The following DUSP22 variants were observed in gnomAD, a reference collection of about 807,000 sequenced individuals.
The protein encoded by DUSP22 is dual specificity phosphatase 22.
A neutral mutation model predicts 24.5 loss-of-function variants in DUSP22; 24 were observed. That is an observed-to-expected ratio of 0.98 (90% CI 0.71 to 1.38). DUSP22 has a LOEUF of 1.38. Among genes scored for constraint, DUSP22 ranks in the 40% most tolerant of loss-of-function variants. The pLI is 0.00. For missense variants in DUSP22, 330 were observed against 269.2 expected, an observed-to-expected ratio of 1.23 and a Z score of -1.58; for synonymous variants, 160 against 106.4, an observed-to-expected ratio of 1.50 and a Z score of -3.10.
chr6:324,366 C>T (rs934460067), intron 3 of DUSP22, among the ~76,000 whole-genome samples: 1 of 152,310 alleles, frequency 6.6e-6, no homozygotes, highest in East Asian at 1.9e-4. Flanking sequence ...TTAATCAGAG[C>T]AAGGAACACG....
chr6:322,649 G>C (rs1013541226), intron 3 of DUSP22, among the ~76,000 whole-genome samples: 44 of 152,344 alleles, frequency 2.9e-4, no homozygotes, highest in African/African-American at 1.0e-3. Context: ...TAGGTTGGTA[G>C]AAACAACCAA....
chr6:298,023 C>T (rs1302058450), intron 1 of DUSP22, among the ~76,000 whole-genome samples: 14 of 152,306 alleles, frequency 9.2e-5, no homozygotes, highest in Non-Finnish European at 2.1e-4. Flanking sequence ...AGAGGAGCCT[C>T]CTGCAGGAAA....
At chr6:336,237 C>T (rs540959808) in intron 4 of DUSP22, among the ~76,000 whole-genome samples, 1 of 152,422 alleles carries the variant, frequency 6.6e-6, no homozygotes, top group Non-Finnish European at 1.5e-5. Context: ...GTGCTATATG[C>T]CACAGGTCAA....
At chr6:346,526 C>G (rs1290532534) in intron 5 of DUSP22, among the ~76,000 whole-genome samples, 1 of 152,300 alleles carries the variant, frequency 6.6e-6, no homozygotes, top group Non-Finnish European at 1.5e-5. Context: ...GGCAGTGTGC[C>G]TGGCACATAG....
intron 3 of DUSP22, among the ~76,000 whole-genome samples, chr6:322,407 C>T (rs1051104013): frequency 2.6e-5 from 4 of 152,296 alleles, no homozygotes; most frequent in Non-Finnish European, 4.4e-5. Context: ...GGGTTCCCTG[C>T]AGGGGCGCCT....
chr6:340,824 A>G (rs1759574341), intron 4 of DUSP22, among the ~76,000 whole-genome samples: 1 of 152,306 alleles, frequency 6.6e-6, no homozygotes, highest in African/African-American at 2.4e-5. Flanking sequence ...GGACAGGACC[A>G]TCTTAGATCC....
chr6:314,434 C>T (rs1305106563), intron 3 of DUSP22, among the ~76,000 whole-genome samples: 1 of 152,312 alleles, frequency 6.6e-6, no homozygotes, highest in Non-Finnish European at 1.5e-5. Flanking sequence ...TTGGGCACTA[C>T]ACTGTGGATA....
At chr6:344,039 C>G (rs6925500) in intron 4 of DUSP22, among the ~76,000 whole-genome samples, 1 of 152,298 alleles carries the variant, frequency 6.6e-6, no homozygotes, top group Non-Finnish European at 1.5e-5. Context: ...AGCACTTAAC[C>G]CACAAACCAG....
intron 1 of DUSP22, among the ~76,000 whole-genome samples, chr6:302,430 G>T (rs1757625647): frequency 3.3e-5 from 5 of 152,306 alleles, no homozygotes; most frequent in Admixed American, 3.3e-4. Context: ...CTTTCTGCAG[G>T]CTGACCGTTC....
rs1295546929 is a variant in DUSP22, at chr6:349,948, G to A, written c.*997G>A. On this transcript the variant is annotated 3_prime_UTR_variant, in exon 7 of 7. Transcript: ENST00000419235. ...CTCTCGCTGTCCTCACTTTGCAGGG[G>A]CTCCTCCTCAACATTTGCATGCACC... The A allele has an allele frequency of 2.0e-6, 2 of 985,690 alleles. No individual in the cohort carries two copies. The highest frequency in any genetic ancestry group is 2.4e-6 in the Non-Finnish European group (2 of 830,100). 61.1% of individuals were successfully genotyped at this position (985,690 alleles called of 1,614,324 possible).
At chr6:333,882 A>G (rs541441184) in intron 3 of DUSP22, among the ~76,000 whole-genome samples, 8 of 152,308 alleles carry the variant, frequency 5.3e-5, no homozygotes, top group African/African-American at 1.9e-4. Flanking sequence ...AGGTTGGGAC[A>G]TGAAGTGTGT....
chr6:321,479 C>T (rs1317007202), intron 3 of DUSP22, among the ~76,000 whole-genome samples: 2 of 152,412 alleles, frequency 1.3e-5, no homozygotes, highest in South Asian at 4.1e-4. Context: ...TTGAAGTAAT[C>T]CTCGTTAGAA....
intron 3 of DUSP22, among the ~76,000 whole-genome samples, chr6:314,421 G>A (rs58345549): frequency 6.4e-4 from 97 of 152,392 alleles, no homozygotes; most frequent in African/African-American, 2.3e-3. Flanking sequence ...GTGAAGCGAC[G>A]TATTGGGCAC....
intron 1 of DUSP22, among the ~76,000 whole-genome samples, chr6:297,514 C>G (rs1757392596): frequency 6.6e-6 from 1 of 152,310 alleles, no homozygotes; most frequent in Non-Finnish European, 1.5e-5. Flanking sequence ...GTAGACATTT[C>G]AGGATAATTA....
chr6:326,670 C>T (rs1173203669), intron 3 of DUSP22, among the ~76,000 whole-genome samples: 2 of 152,308 alleles, frequency 1.3e-5, no homozygotes, highest in Non-Finnish European at 2.9e-5. Context: ...CAAATCCTGT[C>T]TACTACCATT....
At chr6:322,833 G>T (rs892243201) in intron 3 of DUSP22, among the ~76,000 whole-genome samples, 170 of 91,572 alleles carry the variant, frequency 1.9e-3, no homozygotes, top group East Asian at 0.014. Flanking sequence ...TGCTTGGTGG[G>T]GCGGGGGGGG....
At chr6:347,199 G>A (rs1759926503) in intron 5 of DUSP22, among the ~76,000 whole-genome samples, 1 of 152,304 alleles carries the variant, frequency 6.6e-6, no homozygotes, top group Non-Finnish European at 1.5e-5. Flanking sequence ...CAGAGGATCT[G>A]TCTTTTAAGA....
At chr6:333,192 A>G (rs1447937340) in intron 3 of DUSP22, among the ~76,000 whole-genome samples, 1 of 152,308 alleles carries the variant, frequency 6.6e-6, no homozygotes, top group African/African-American at 2.4e-5. Flanking sequence ...GGACAGAGAC[A>G]GGAGGAGGCA....
chr6:322,334 G>A (rs1455936550), intron 3 of DUSP22, among the ~76,000 whole-genome samples: 2 of 152,302 alleles, frequency 1.3e-5, no homozygotes, highest in Admixed American at 6.5e-5. Context: ...ACACATCTTT[G>A]TTACTCCTGT....
Sources: gnomAD v4.1 joint callset for allele counts (sites outside exome capture counted in the v4.1 genomes callset) on GRCh38, gnomAD v4.1.1 for gene constraint, MANE v1.5 for transcripts, NCBI Gene and HGNC (gene_info 2026-07-23, HGNC 2026-07-21) for gene names.